Variants in ANKS1B observed in about 807,000 individuals in gnomAD.
ANKS1B encodes the protein ankyrin repeat and sterile alpha motif domain-containing protein 1B.
A neutral mutation model predicts 148.3 loss-of-function variants in ANKS1B; 36 were observed. The ratio of observed to expected loss-of-function variants is 0.24; its 90% CI spans 0.19 to 0.32. ANKS1B has a LOEUF of 0.32. Ranked by LOEUF, ANKS1B falls within the 10% of genes least tolerant of loss-of-function variation. ANKS1B has a pLI of 1.00. For synonymous variants in ANKS1B, 542 were observed against 560.8 expected, an observed-to-expected ratio of 0.97 and a Z score of 0.47; for missense variants, 1,157 against 1,542.6, an observed-to-expected ratio of 0.75 and a Z score of 4.19.
chr12:99,957,259 T>G (rs1238393129), intron 1 of ANKS1B, among the ~76,000 whole-genome samples: 1 of 152,138 alleles, frequency 6.6e-6, no homozygotes, highest in Non-Finnish European at 1.5e-5. Context: ...TTCCCTTCCT[T>G]CCTTTCACCA....
intron 9 of ANKS1B, among the ~76,000 whole-genome samples, chr12:99,639,249 A>G (rs1194555942): frequency 1.3e-5 from 2 of 152,092 alleles, no homozygotes; most frequent in Non-Finnish European, 2.9e-5. Context: ...GTTTTGGCCA[A>G]TTTCTCCCTT....
At chr12:99,970,484 A>G (rs1160220119) in intron 1 of ANKS1B, among the ~76,000 whole-genome samples, 1 of 152,040 alleles carries the variant, frequency 6.6e-6, no homozygotes, top group Non-Finnish European at 1.5e-5. Context: ...TCAAAGTTTT[A>G]AATAGTCATG....
At chr12:99,477,614 G>A (rs183388351) in intron 10 of ANKS1B, among the ~76,000 whole-genome samples, 1 of 152,262 alleles carries the variant, frequency 6.6e-6, no homozygotes, top group Admixed American at 6.5e-5. Context: ...GTGGGAAACT[G>A]AGACAGTACC....
intron 17 of ANKS1B, among the ~76,000 whole-genome samples, chr12:99,010,172 C>T (rs2099938481): frequency 6.6e-6 from 1 of 152,198 alleles, no homozygotes; most frequent in Admixed American, 6.5e-5. Context: ...GACTCTAAAG[C>T]TAGACTTCTG....
intron 17 of ANKS1B, among the ~76,000 whole-genome samples, chr12:98,881,070 C>T (rs561758434): frequency 2.9e-4 from 44 of 151,970 alleles, no homozygotes; most frequent in Non-Finnish European, 5.1e-4. Flanking sequence ...TAGGCAAACA[C>T]GTATATCACT....
chr12:99,028,571 T>A (rs1169869501), intron 17 of ANKS1B, among the ~76,000 whole-genome samples: 1 of 152,130 alleles, frequency 6.6e-6, no homozygotes, highest in Non-Finnish European at 1.5e-5. Flanking sequence ...GAGAGAAAAT[T>A]TAGTCACAAG....
chr12:99,269,839 G>A (rs1308930043), intron 12 of ANKS1B, among the ~76,000 whole-genome samples: 3 of 152,156 alleles, frequency 2.0e-5, no homozygotes, highest in African/African-American at 4.8e-5. Context: ...GATTACAGGC[G>A]TGAGCCACTG....
At chr12:99,476,083 T>G (rs1386411439) in intron 10 of ANKS1B, among the ~76,000 whole-genome samples, 1 of 152,140 alleles carries the variant, frequency 6.6e-6, no homozygotes, top group African/African-American at 2.4e-5. Context: ...AGAAAAAGAT[T>G]GATATATTTC....
At chr12:99,542,204 A>T (rs913514728) in intron 9 of ANKS1B, among the ~76,000 whole-genome samples, 3 of 152,250 alleles carry the variant, frequency 2.0e-5, no homozygotes, top group Non-Finnish European at 4.4e-5. Context: ...ATAATGGACA[A>T]GTTCAGCAAG....
chr12:99,488,891 C>G (rs892778271), intron 10 of ANKS1B, among the ~76,000 whole-genome samples: 1 of 152,062 alleles, frequency 6.6e-6, no homozygotes, highest in Non-Finnish European at 1.5e-5. Flanking sequence ...ATTGCTTTAA[C>G]AAAAACTTGA....
chr12:99,006,133 G>A (rs768110123), intron 17 of ANKS1B, among the ~76,000 whole-genome samples: 1 of 152,282 alleles, frequency 6.6e-6, no homozygotes, highest in Admixed American at 6.5e-5. Flanking sequence ...CTTTCAGATA[G>A]GCTGCATGGG....
rs1171623440 is a variant in ANKS1B, at chr12:98,801,005, T to C, written c.3262A>G (p.Lys1088Glu). ...AATTGAGGGTAACTTACAAAAGCTT[T>C]GTAATCACACGACTGGAAGATAAGC... is the stretch of plus-strand genomic sequence containing the variant. The part of the protein sequence containing the change: ...EKLIFQSCDY[K>E]AFYLGSMLIK... Residue 1088 changes from lysine to glutamate, a missense_variant, in exon 21 of 27, where the codon AAA becomes GAA. Coordinates refer to ENST00000683438, the MANE Select transcript of ANKS1B (RefSeq NM_001352186.2). The surrounding 1 kb of genome is among the most constrained non-coding windows in gnomAD (Gnocchi z 5.2). The C allele has an allele frequency of 6.2e-7, 1 of 1,611,794 alleles. No homozygotes were observed. The highest frequency in any genetic ancestry group is 8.5e-7 in the Non-Finnish European group (1 of 1,178,816).
intron 17 of ANKS1B, among the ~76,000 whole-genome samples, chr12:99,038,672 C>A (rs1375613098): frequency 6.6e-6 from 1 of 152,242 alleles, no homozygotes; most frequent in Non-Finnish European, 1.5e-5. Context: ...TTTCTATCAG[C>A]CTTTTCCCTG....
intron 9 of ANKS1B, among the ~76,000 whole-genome samples, chr12:99,528,435 A>AAAC (rs1555472943): frequency 6.0e-4 from 59 of 98,722 alleles, no homozygotes; most frequent in African/African-American, 2.6e-3. Context: ...ACAAAAACAA[A>AAAC]AAAAAAAACA....
At chr12:98,802,730 A>G (rs1243070963) in intron 20 of ANKS1B, among the ~76,000 whole-genome samples, 1 of 145,198 alleles carries the variant, frequency 6.9e-6, no homozygotes, top group East Asian at 2.1e-4. Flanking sequence ...TTCTCACTGT[A>G]GTTAGTGTGT....
chr12:99,284,850 C>T (rs114107496), intron 12 of ANKS1B, among the ~76,000 whole-genome samples: 4 of 152,076 alleles, frequency 2.6e-5, no homozygotes, highest in African/African-American at 9.7e-5. Context: ...TTGAGTCATT[C>T]TCTCCTTCAC....
intron 17 of ANKS1B, among the ~76,000 whole-genome samples, chr12:98,956,040 C>T (rs2099861641): frequency 6.6e-6 from 1 of 152,192 alleles, no homozygotes; most frequent in Non-Finnish European, 1.5e-5. Flanking sequence ...AGAGATCTGA[C>T]AATGTGCTGG....
chr12:99,704,636 T>G (rs1186111510), intron 8 of ANKS1B, among the ~76,000 whole-genome samples: 1 of 152,080 alleles, frequency 6.6e-6, no homozygotes, highest in African/African-American at 2.4e-5. Flanking sequence ...AGCTAAATTA[T>G]ATTTCAGTTA....
At chr12:99,927,767 G>T (rs1344758734) in intron 1 of ANKS1B, among the ~76,000 whole-genome samples, 1 of 151,996 alleles carries the variant, frequency 6.6e-6, no homozygotes, top group African/African-American at 2.4e-5. Context: ...GGGCAACACA[G>T]TGATACCCCA....
Sources: gnomAD v4.1 joint callset for allele counts (sites outside exome capture counted in the v4.1 genomes callset) on GRCh38, gnomAD v4.1.1 for gene constraint, Gnocchi (gnomAD v3.1) non-coding constraint, MANE v1.5 for transcripts, NCBI Gene and HGNC (gene_info 2026-07-23, HGNC 2026-07-21) for gene names.